Variants in SMIM36 observed in about 807,000 individuals in gnomAD.
The protein encoded by SMIM36 is small integral membrane protein 36.
At chr17:55,519,688 A>G in the SMIM36 span, among the ~76,000 whole-genome samples, 4 of 152,214 alleles carry the variant, frequency 2.6e-5, no homozygotes, top group Non-Finnish European at 5.9e-5. Context: ...TAAGTGCTCA[A>G]GTCCTTGGTA....
chr17:55,488,013 C>G (rs1340521769), intron 1 of SMIM36, among the ~76,000 whole-genome samples: 13 of 152,166 alleles, frequency 8.5e-5, no homozygotes. Flanking sequence ...AGGTGAGTAG[C>G]CTGTCTTTGT....
chr17:55,515,086 GTTTTTTTTTTT>G (rs1158864125), upstream of SMIM36, among the ~76,000 whole-genome samples: 3 of 54,102 alleles, frequency 5.5e-5, no homozygotes, highest in Admixed American at 5.6e-4. Context: ...CTAGTCTAGT[GTTTTTTTTTTT>G]TTTTTTTTTT....
intron 1 of SMIM36, among the ~76,000 whole-genome samples, chr17:55,492,611 T>C (rs963154903): frequency 1.4e-5 from 2 of 144,786 alleles, no homozygotes; most frequent in Admixed American, 7.0e-5. Flanking sequence ...GCACAATTTC[T>C]AACAAATACA....
chr17:55,457,160 T>C (rs79669437), intron 4 of SMIM36, among the ~76,000 whole-genome samples: 5,372 of 152,164 alleles, frequency 0.035, 277 homozygotes, highest in African/African-American at 0.11. Flanking sequence ...TTAGAAAATA[T>C]ATAAATGGGC....
the SMIM36 span, among the ~76,000 whole-genome samples, chr17:55,525,239 C>T: frequency 4.4e-4 from 67 of 152,326 alleles, no homozygotes; most frequent in African/African-American, 1.5e-3. Context: ...TCATTATTCA[C>T]ATATATTTGG....
chr17:55,470,865 C>A (rs1004173586), intron 3 of SMIM36, among the ~76,000 whole-genome samples: 3 of 152,134 alleles, frequency 2.0e-5, no homozygotes, highest in African/African-American at 7.2e-5. Flanking sequence ...GGGTTAAAGC[C>A]TGTTACCACT....
intron 1 of SMIM36, among the ~76,000 whole-genome samples, chr17:55,507,689 T>C (rs1035324510): frequency 2.8e-5 from 4 of 143,252 alleles, no homozygotes; most frequent in Non-Finnish European, 4.5e-5. Flanking sequence ...GTAACTAACC[T>C]GCACAATGTG....
In SMIM36 at chr17:55,472,854, G is replaced by C. The variant is rs568655654; in HGVS notation, c.*348-5526C>G. Reference sequence around the variant, plus strand: ...TGTACTCCAGCCTGGGAGACAGAGCGAGACTCTGTCTTAAAAAAAAAAAAA... The same window carrying C: ...TGTACTCCAGCCTGGGAGACAGAGCCAGACTCTGTCTTAAAAAAAAAAAAA... On this transcript the variant is annotated intron_variant, in intron 3 of 4. Coordinates refer to ENST00000636752, the Ensembl canonical transcript of SMIM36. Among the ~76,000 whole-genome samples, 12 of 138,978 alleles carry C rather than the reference G, an allele frequency of 8.6e-5. No homozygotes were observed. In the East Asian group the frequency reaches 2.2e-3, roughly 26 times the overall value. 91.2% of individuals were successfully genotyped at this position (138,978 alleles called of 152,430 possible). A position where few individuals can be genotyped will look rare whatever the true frequency, so the allele number is the denominator to read the frequency against.
chr17:55,502,016 C>T (rs1367894408), intron 1 of SMIM36, among the ~76,000 whole-genome samples: 9 of 151,570 alleles, frequency 5.9e-5, no homozygotes, highest in Non-Finnish European at 1.3e-4. Flanking sequence ...CTTTTCAGAC[C>T]GGCTTAAAAA....
intron 4 of SMIM36, among the ~76,000 whole-genome samples, chr17:55,464,406 T>C (rs1909200111): frequency 6.6e-6 from 1 of 152,222 alleles, no homozygotes. Flanking sequence ...ATCTGGAACA[T>C]AGAGGGCATG....
chr17:55,469,168 C>A (rs1353082752), intron 3 of SMIM36, among the ~76,000 whole-genome samples: 2 of 152,134 alleles, frequency 1.3e-5, no homozygotes, highest in Non-Finnish European at 2.9e-5. Flanking sequence ...AATTCTTCCT[C>A]AGCCTCCACT....
chr17:55,502,094 T>C (rs1879637078), intron 1 of SMIM36, among the ~76,000 whole-genome samples: 1 of 151,400 alleles, frequency 6.6e-6, no homozygotes, highest in Non-Finnish European at 1.5e-5. Flanking sequence ...ATCTCGCTGA[T>C]TGCTAGCACA....
intron 4 of SMIM36, among the ~76,000 whole-genome samples, chr17:55,450,917 C>T (rs532221179): frequency 3.3e-5 from 5 of 152,102 alleles, no homozygotes; most frequent in Admixed American, 6.5e-5. Flanking sequence ...GACGGAGTCT[C>T]GCTCTGTCAC....
chr17:55,498,808 A>G (rs8075446), intron 1 of SMIM36, among the ~76,000 whole-genome samples: 89,898 of 151,210 alleles, frequency 0.59, 28,311 homozygotes, highest in African/African-American at 0.82. Flanking sequence ...AGATCAGCCT[A>G]TCCAACATGA....
chr17:55,508,333 A>C (rs1598459434), intron 1 of SMIM36, among the ~76,000 whole-genome samples: 1 of 151,176 alleles, frequency 6.6e-6, no homozygotes, highest in East Asian at 1.9e-4. Context: ...TTGTCCTGAA[A>C]ACAAACAAAC....
upstream of SMIM36, among the ~76,000 whole-genome samples, chr17:55,512,340 G>T (rs922246449): frequency 6.6e-6 from 1 of 152,200 alleles, no homozygotes; most frequent in Non-Finnish European, 1.5e-5. Flanking sequence ...GTAGACAGGG[G>T]CCAGAAGGCA....
chr17:55,509,954 G>A (rs1020470153), intron 1 of SMIM36, among the ~76,000 whole-genome samples: 13 of 152,000 alleles, frequency 8.6e-5, no homozygotes, highest in Admixed American at 3.9e-4. Context: ...GGATCAGGCC[G>A]GATTTGAGGA....
chr17:55,457,552 A>G (rs1341515132), intron 4 of SMIM36, among the ~76,000 whole-genome samples: 4 of 151,618 alleles, frequency 2.6e-5, no homozygotes, highest in Admixed American at 6.6e-5. Context: ...TTGAGACGGA[A>G]TTTTGCTCTC....
intron 1 of SMIM36, among the ~76,000 whole-genome samples, chr17:55,491,247 CAA>C (rs1206937453): frequency 4.7e-4 from 25 of 52,916 alleles, no homozygotes; most frequent in East Asian, 1.1e-3. Context: ...GTCTCCTCAC[CAA>C]AAAAAAAAAA....
Sources: allele counts gnomAD v4.1 joint callset (sites outside exome capture counted in the v4.1 genomes callset), GRCh38; gene constraint gnomAD v4.1.1; transcripts MANE v1.5; gene names NCBI Gene and HGNC (gene_info 2026-07-23, HGNC 2026-07-21).